Variants in NCOR2 observed in about 807,000 individuals in gnomAD.
The protein encoded by NCOR2 is CTG repeat protein 26.
Under a neutral mutation model 262.9 loss-of-function variants are expected in NCOR2, and 81 were observed. That is an observed-to-expected ratio of 0.31 (90% CI 0.26 to 0.37). The LOEUF is 0.37. NCOR2 is among the 10% of genes least tolerant of loss of function. NCOR2 has a pLI of 1.00. For synonymous variants in NCOR2, 1,659 were observed against 1,559.3 expected (o/e 1.06, Z -1.51); for missense variants, 3,385 against 3,621.4 (o/e 0.93, Z 1.68).
intron 13 of NCOR2, among the ~76,000 whole-genome samples, chr12:124,414,861 G>C (rs1352023834): frequency 1.3e-5 from 2 of 152,236 alleles, no homozygotes; most frequent in Non-Finnish European, 2.9e-5. Context: ...GAGGGAGAGA[G>C]AAGCATGGAC....
intron 28 of NCOR2, among the ~76,000 whole-genome samples, chr12:124,349,476 AC>A (rs1244739616): frequency 6.6e-6 from 1 of 152,202 alleles, no homozygotes; most frequent in Non-Finnish European, 1.5e-5. Flanking sequence ...CGATGTTTAA[AC>A]ATCGGGAGAT....
intron 1 of NCOR2, among the ~76,000 whole-genome samples, chr12:124,564,657 C>A (rs913872547): frequency 3.3e-5 from 5 of 151,908 alleles, no homozygotes; most frequent in African/African-American, 9.7e-5. Flanking sequence ...GACAGGACCC[C>A]AGGAGAACCC....
chr12:124,493,684 A>G (rs1179980370), intron 1 of NCOR2, among the ~76,000 whole-genome samples: 1 of 152,198 alleles, frequency 6.6e-6, no homozygotes, highest in African/African-American at 2.4e-5. Flanking sequence ...TCAGTTAACA[A>G]GAGCTCTTCT....
chr12:124,552,570 G>T (rs2051746640), intron 1 of NCOR2, among the ~76,000 whole-genome samples: 1 of 152,214 alleles, frequency 6.6e-6, no homozygotes, highest in Non-Finnish European at 1.5e-5. Context: ...CCACGGCCCT[G>T]TTCCCGGTTG....
At chr12:124,470,923 T>C (rs1158655867) in intron 4 of NCOR2, among the ~76,000 whole-genome samples, 3 of 152,262 alleles carry the variant, frequency 2.0e-5, no homozygotes, top group African/African-American at 4.8e-5. Flanking sequence ...GTCACCAATG[T>C]GTGCCAGTGA....
At chr12:124,456,770 G>A (rs927559005) in intron 6 of NCOR2, among the ~76,000 whole-genome samples, 3 of 152,130 alleles carry the variant, frequency 2.0e-5, no homozygotes, top group East Asian at 1.9e-4. Flanking sequence ...CCGGCTCTCC[G>A]CGCTCAGCTG....
intron 1 of NCOR2, among the ~76,000 whole-genome samples, chr12:124,509,152 G>T (rs2049231379): frequency 6.9e-6 from 1 of 145,756 alleles, no homozygotes; most frequent in Non-Finnish European, 1.5e-5. Flanking sequence ...AATTTCCCTG[G>T]GCAACCACCC....
At chr12:124,325,392 C>CCCCCCCGGGG in exon 47 of NCOR2, 1 of 1,152,266 alleles carries the variant, frequency 8.7e-7, no homozygotes, top group Non-Finnish European at 1.1e-6. Flanking sequence ...CCCCCCCGCC[C>CCCCCCCGGGG]TGTTCTGAGT....
intron 6 of NCOR2, among the ~76,000 whole-genome samples, chr12:124,455,331 G>GAA (rs1272618915): frequency 6.6e-6 from 1 of 152,228 alleles, no homozygotes; most frequent in African/African-American, 2.4e-5. Context: ...TCCACTGAGA[G>GAA]AAGCACGACC....
Position 124,363,811 on chromosome 12 carries a change from C to A in NCOR2, c.2808-12G>T, listed in dbSNP as rs202037116. On this transcript the variant is annotated splice_polypyrimidine_tract_variant and intron_variant, in intron 20 of 46. Coordinates refer to ENST00000405201, the Ensembl canonical transcript of NCOR2. ...TTGGGGACAGCAGCCTGCGGGCACACGAGCACCATCAGCTGGGGGCCCACA... is the reference window on the plus strand; with the variant it reads ...TTGGGGACAGCAGCCTGCGGGCACAAGAGCACCATCAGCTGGGGGCCCACA... 1.5e-6 allele frequency: 2 copies of A among 1,334,736 alleles called. No individual in the cohort carries two copies. Among genetic ancestry groups the A allele is most frequent in the South Asian group, 2.4e-5 (1 of 41,182 alleles). 82.7% of individuals were successfully genotyped at this position (1,334,736 alleles called of 1,614,324 possible).
upstream of NCOR2, chr12:124,539,618 G>C (rs2051228097): frequency 6.6e-6 from 1 of 152,394 alleles, no homozygotes; most frequent in Non-Finnish European, 1.5e-5. The surrounding 1 kb of genome is among the most constrained non-coding windows in gnomAD (Gnocchi z 5.1). Context: ...TGCACGGGGA[G>C]AGCAAGGACC....
rs1374777632 is a variant in NCOR2 at position 124,378,334 on chromosome 12, G to A, written c.2070C>T (p.Ala690=). The A allele has an allele frequency of 8.1e-6, 13 of 1,613,860 alleles. No homozygotes were observed. Among genetic ancestry groups the A allele is most frequent in the Non-Finnish European group, 1.1e-5 (13 of 1,179,886 alleles). ...CGGGCGGGAATGCAGCCTCCTCGCT[G>A]GCCGCCGCCGGCGCTTTCTTCTTCT... Residue 690 remains alanine, a synonymous_variant, in exon 18 of 47, where the codon GCC becomes GCT. Transcript: ENST00000405201. The surrounding 1 kb of genome is among the most constrained non-coding windows in gnomAD (Gnocchi z 4.2).
intron 1 of NCOR2, among the ~76,000 whole-genome samples, chr12:124,516,640 C>T (rs2049811364): frequency 1.3e-5 from 2 of 152,082 alleles, no homozygotes. Context: ...AGTGCTACCA[C>T]TGTGGTAAAG....
chr12:124,367,180 C>T (rs913507567), intron 20 of NCOR2, among the ~76,000 whole-genome samples: 6 of 152,126 alleles, frequency 3.9e-5, no homozygotes, highest in Non-Finnish European at 4.4e-5. Flanking sequence ...TTCCCTGTGG[C>T]CCCTCACCTA....
chr12:124,525,766 C>A (rs2050434284), intron 1 of NCOR2, among the ~76,000 whole-genome samples: 1 of 152,230 alleles, frequency 6.6e-6, no homozygotes, highest in Non-Finnish European at 1.5e-5. Flanking sequence ...CGATGAAAAG[C>A]AGCTGCCGTG....
At chr12:124,332,193 C>T (rs527779823) in intron 43 of NCOR2, 126 bp downstream of exon 45, 4 of 1,220,180 alleles carry the variant, frequency 3.3e-6, no homozygotes, top group Admixed American at 4.2e-5. Context: ...GGGAGGTGGT[C>T]AGCAGGGCCA....
exon 2 of NCOR2, chr12:124,486,522 G>C: frequency 6.2e-7 from 1 of 1,604,160 alleles, no homozygotes; most frequent in Non-Finnish European, 8.5e-7. Flanking sequence ...CGACAGGTGG[G>C]AGGCATAGTC....
rs1349158527 is a variant in NCOR2, at chr12:124,443,388, C to T, written c.816-5392G>A. ...CATCCACGTACCACGCAAGAGGACA[C>T]GTCAAGTCTGCAAACACATGTCAAG... On this transcript the variant is annotated intron_variant, in intron 7 of 46. Coordinates refer to ENST00000405201, the Ensembl canonical transcript of NCOR2. The surrounding 1 kb of genome is among the most constrained non-coding windows in gnomAD (Gnocchi z 4.4). Among the ~76,000 whole-genome samples the T allele has an allele frequency of 2.6e-5, 4 of 152,222 alleles. No homozygotes were observed. The highest frequency in any genetic ancestry group is 5.9e-5 in the Non-Finnish European group (4 of 68,042).
At chr12:124,363,908 G>T (rs2038809240) in intron 20 of NCOR2, 109 bp from the exon 23 acceptor site, 1 of 973,824 alleles carries the variant, frequency 1.0e-6, no homozygotes, top group Non-Finnish European at 1.4e-6. Context: ...TGGGGACGAG[G>T]CTAAGGCCCT....
Sources: gnomAD v4.1 joint callset for allele counts (sites outside exome capture counted in the v4.1 genomes callset) on GRCh38, gnomAD v4.1.1 for gene constraint, Gnocchi (gnomAD v3.1) non-coding constraint, MANE v1.5 for transcripts, NCBI Gene and HGNC (gene_info 2026-07-23, HGNC 2026-07-21) for gene names.